Variants in ZFHX3 observed in about 807,000 individuals in gnomAD.
ZFHX3 encodes zinc finger homeobox 3.
In ZFHX3, 42 loss-of-function variants were observed where a neutral mutation model predicts 279.1. The ratio of observed to expected loss-of-function variants is 0.15; its 90% CI spans 0.12 to 0.19. ZFHX3 has a LOEUF of 0.19. Among genes scored for constraint, ZFHX3 ranks in the 10% least tolerant of loss-of-function variants. The pLI is 1.00. For missense variants in ZFHX3, 4,981 were observed against 4,754.0 expected (o/e 1.05, Z -1.40); for synonymous variants, 2,293 against 1,957.8 (o/e 1.17, Z -4.52).
chr16:73,316,296 G>C (rs1286771686), intron 4 of ZFHX3, among the ~76,000 whole-genome samples: 2 of 152,144 alleles, frequency 1.3e-5, no homozygotes, highest in Admixed American at 1.3e-4. Flanking sequence ...ACAATTTAAA[G>C]GTGACAGGAC....
intron 3 of ZFHX3, among the ~76,000 whole-genome samples, chr16:73,320,291 T>C (rs1030795482): frequency 1.3e-5 from 2 of 152,218 alleles, no homozygotes; most frequent in African/African-American, 4.8e-5. Flanking sequence ...GAACCTGCTG[T>C]ACCTTGGCTG....
At chr16:73,198,394 T>TGAA (rs1968199840) in intron 5 of ZFHX3, among the ~76,000 whole-genome samples, 1 of 151,662 alleles carries the variant, frequency 6.6e-6, no homozygotes, top group Non-Finnish European at 1.5e-5. Flanking sequence ...ACCAGTGTTA[T>TGAA]GAAGAAGAAA....
At chr16:73,275,951 C>T (rs2014285340) in intron 4 of ZFHX3, among the ~76,000 whole-genome samples, 1 of 152,024 alleles carries the variant, frequency 6.6e-6, no homozygotes, top group East Asian at 1.9e-4. Flanking sequence ...TTGCTCCACA[C>T]CTAACTCGAA....
At chr16:73,310,027 G>C (rs1483087547) in intron 4 of ZFHX3, among the ~76,000 whole-genome samples, 1 of 149,618 alleles carries the variant, frequency 6.7e-6, no homozygotes, top group East Asian at 2.0e-4. Flanking sequence ...TCCTGCCTCA[G>C]CCTCCTGAGT....
rs752145531 is a variant in ZFHX3 at position 72,959,073 on chromosome 16, A to G, written c.1073T>C (p.Ile358Thr). 6.2e-6 allele frequency: 10 copies of G among 1,614,192 alleles called. No homozygotes were observed. The South Asian group carries it at 6.6e-5, about 11-fold the overall frequency. Reference protein sequence around the residue: ...QHPLVSTANLIGPGHSFYGKF... With the variant: ...QHPLVSTANLTGPGHSFYGKF... ...ACCATAAAAACTGTGTCCGGGGCCT[A>G]TGAGGTTAGCTGTGGAAACTAAAGG... is the stretch of plus-strand genomic sequence containing the variant. The change falls in exon 2 of 10, where the codon ATA becomes ACA. Residue 358 changes from isoleucine to threonine, a missense_variant. Physicochemically the swap from Ile to Thr is moderately conservative, Grantham distance 89. Coordinates refer to ENST00000268489, the MANE Select transcript of ZFHX3 (RefSeq NM_006885.4).
Position 72,950,067 on chromosome 16 carries a change from G to A in ZFHX3, c.3216+402C>T, listed in dbSNP as rs369028215. ...GGAACAAAACACCCCAGGAGCATCC[G>A]GGAAAGGAGAAATAGAAAAAAAAAA... On this transcript the variant is annotated intron_variant, in intron 3 of 9. Coordinates refer to ENST00000268489, the MANE Select transcript of ZFHX3 (RefSeq NM_006885.4). 6.9e-5 allele frequency among the ~76,000 whole-genome samples: 9 copies of A among 129,880 alleles called. No homozygotes were observed. In the East Asian group the frequency reaches 1.5e-3, roughly 22 times the overall value. The allele number at this position is 129,880 out of a possible 152,430, so 85.2% of individuals were successfully genotyped here. A position where few individuals can be genotyped will look rare whatever the true frequency, so the allele number is the denominator to read the frequency against.
chr16:72,856,536 T>C (rs529675707), intron 4 of ZFHX3, among the ~76,000 whole-genome samples: 1 of 152,236 alleles, frequency 6.6e-6, no homozygotes, highest in East Asian at 1.9e-4. Flanking sequence ...AAGAAAGCAA[T>C]CTACTTTTTC....
chr16:73,020,872 A>G (rs771895459), intron 1 of ZFHX3, among the ~76,000 whole-genome samples: 5 of 151,832 alleles, frequency 3.3e-5, no homozygotes, highest in Admixed American at 6.6e-5. Context: ...CGCCCCCCCA[A>G]TACTCTTCCA....
Position 72,912,451 on chromosome 16 carries a change from A to G in ZFHX3, c.3217-22489T>C, listed in dbSNP as rs16971408. 6.1e-3 allele frequency among the ~76,000 whole-genome samples: 923 copies of G among 152,364 alleles called. 12 individuals carry two copies. Among genetic ancestry groups the G allele is most frequent in the African/African-American group, 0.021 (875 of 41,586 alleles). On this transcript the variant is annotated intron_variant, in intron 3 of 9. Coordinates refer to ENST00000268489, the MANE Select transcript of ZFHX3 (RefSeq NM_006885.4). Reference sequence around the variant, plus strand: ...GCTGCTCTTAAATAAGTCTTATGGAAGAGCCAAAATACATCTGAAAAGAAA... The same window carrying G: ...GCTGCTCTTAAATAAGTCTTATGGAGGAGCCAAAATACATCTGAAAAGAAA...
chr16:73,795,540 C>A (rs2142319765), intron 1 of ZFHX3, among the ~76,000 whole-genome samples: 1 of 152,226 alleles, frequency 6.6e-6, no homozygotes, highest in Non-Finnish European at 1.5e-5. Context: ...GAGAACCTTT[C>A]TATCTCATTA....
chr16:73,359,181 GTTT>G (rs55639015), intron 3 of ZFHX3, among the ~76,000 whole-genome samples: 55,066 of 145,790 alleles, frequency 0.38, 12,138 homozygotes, highest in East Asian at 0.5. Context: ...TTTAGAAGAG[GTTT>G]TTTTTTTTTT....
At chr16:73,874,023 TTTCTC>T (rs1349927478) in intron 1 of ZFHX3, among the ~76,000 whole-genome samples, 32 of 152,170 alleles carry the variant, frequency 2.1e-4, no homozygotes, top group Admixed American at 1.2e-3. Context: ...CAGTCAGCCT[TTTCTC>T]TTCAATATCT....
At chr16:73,313,499 C>T (rs930545849) in intron 4 of ZFHX3, among the ~76,000 whole-genome samples, 15 of 152,300 alleles carry the variant, frequency 9.8e-5, no homozygotes, top group African/African-American at 3.6e-4. Flanking sequence ...TAAGGGATGT[C>T]TCTCTTATTG....
At chr16:73,856,473 A>G (rs904829277) in intron 1 of ZFHX3, among the ~76,000 whole-genome samples, 5 of 152,228 alleles carry the variant, frequency 3.3e-5, no homozygotes, top group South Asian at 2.1e-4. Flanking sequence ...GAGGATTTCA[A>G]TCAAGGATGA....
At chr16:73,464,598 CG>C (rs543143783) in intron 2 of ZFHX3, among the ~76,000 whole-genome samples, 7 of 17,160 alleles carry the variant, frequency 4.1e-4, no homozygotes, top group Admixed American at 3.8e-3. Flanking sequence ...AAATAAGGGG[CG>C]GGGGGGAGAG....
At chr16:73,164,236 T>G (rs1967307188) in intron 5 of ZFHX3, among the ~76,000 whole-genome samples, 2 of 152,198 alleles carry the variant, frequency 1.3e-5, no homozygotes, top group Admixed American at 6.5e-5. Flanking sequence ...AGAAGCTGAG[T>G]CATGCATGGG....
At chr16:73,381,667 T>C (rs2016820120) in intron 3 of ZFHX3, among the ~76,000 whole-genome samples, 1 of 152,202 alleles carries the variant, frequency 6.6e-6, no homozygotes, top group African/African-American at 2.4e-5. Context: ...AGACCAGGAA[T>C]ATCCAATCTT....
rs759992236 is a variant in ZFHX3 at position 72,828,183 on chromosome 16, C to T, written c.3529+1596G>A. Among the ~76,000 whole-genome samples, 11 of 152,078 alleles carry T rather than the reference C, an allele frequency of 7.2e-5. No individual in the cohort carries two copies. In the East Asian group the frequency reaches 7.7e-4, roughly 11 times the overall value. ...GCCTGGAAAAGTAACAAAGGCCCAACGAATACGGACTCCAGAAAGTAAACA... is the reference window on the plus strand; with the variant it reads ...GCCTGGAAAAGTAACAAAGGCCCAATGAATACGGACTCCAGAAAGTAAACA... On this transcript the variant is annotated intron_variant, in intron 5 of 9. Transcript: ENST00000268489.
chr16:73,631,204 T>C (rs2052465587), intron 2 of ZFHX3, among the ~76,000 whole-genome samples: 1 of 152,210 alleles, frequency 6.6e-6, no homozygotes, highest in Non-Finnish European at 1.5e-5. Context: ...TGAGTATCTA[T>C]ATGTAAAGGC....
Sources: gnomAD v4.1 joint callset for allele counts (sites outside exome capture counted in the v4.1 genomes callset) on GRCh38, gnomAD v4.1.1 for gene constraint, MANE v1.5 for transcripts, NCBI Gene and HGNC (gene_info 2026-07-23, HGNC 2026-07-21) for gene names.